Variants in RTTN observed in about 807,000 individuals in gnomAD.
RTTN encodes rotatin.
RTTN carries 182 observed loss-of-function variants against 269.2 expected under a neutral mutation model. The ratio of observed to expected loss-of-function variants is 0.68; its 90% CI spans 0.60 to 0.76. RTTN has a LOEUF of 0.76. RTTN is among the 30% of genes least tolerant of loss of function. The pLI is 0.00. For missense variants in RTTN, 2,545 were observed against 2,608.6 expected (o/e 0.98, Z 0.53); for synonymous variants, 1,006 against 963.5 (o/e 1.04, Z -0.82).
intron 28 of RTTN, among the ~76,000 whole-genome samples, chr18:70,095,676 G>A (rs1441593666): frequency 6.6e-6 from 1 of 151,988 alleles, no homozygotes; most frequent in Non-Finnish European, 1.5e-5. Flanking sequence ...AAGACTAACA[G>A]GGATGGGCTT....
chr18:70,204,199 G>T lies in RTTN; in HGVS notation c.284C>A (p.Ser95Tyr). The stretch of plus-strand genomic sequence containing the variant: ...AGCCTGCAGATTTGGCTCCACATTA[G>T]ACCGAAGCTTAGATAAGAACTCTAC... ...GAVEFLSKLR[S>Y]NVEPNLQAEI... The change falls in exon 3 of 49, where the codon TCT becomes TAT. Residue 95 changes from serine (S) to tyrosine (Y), a missense_variant. Physicochemically the swap from Ser to Tyr is moderately radical, Grantham distance 144. Transcript: ENST00000640769. 6.2e-7 allele frequency: 1 copy of T among 1,614,096 alleles called. No individual in the cohort carries two copies. The highest frequency in any genetic ancestry group is 1.7e-5 in the Admixed American group (1 of 60,016).
At chr18:70,196,768 T>C (rs763140705) in intron 6 of RTTN, 120 bp from the exon 7 acceptor site, 11 of 960,748 alleles carry the variant, frequency 1.1e-5, no homozygotes, top group Admixed American at 5.6e-5. Flanking sequence ...AGTTGCCAAA[T>C]ATTTGTAAGA....
intron 23 of RTTN, chr18:70,130,175 T>C (rs1381618193): frequency 6.6e-6 from 1 of 152,062 alleles, no homozygotes; most frequent in Non-Finnish European, 1.5e-5. Context: ...CACACACTGT[T>C]AGTGGGAATG....
chr18:70,039,920 T>C (rs1381327512), intron 40 of RTTN, among the ~76,000 whole-genome samples: 1 of 152,160 alleles, frequency 6.6e-6, no homozygotes, highest in African/African-American at 2.4e-5. Context: ...TAATGGGCTA[T>C]AAGAAGGTAT....
intron 40 of RTTN, among the ~76,000 whole-genome samples, chr18:70,037,747 A>C (rs1000077062): frequency 6.6e-6 from 1 of 152,106 alleles, no homozygotes; most frequent in Admixed American, 6.5e-5. Flanking sequence ...AGTAAAGGGG[A>C]CTTTGTCTTG....
chr18:70,172,954 A>C (rs2061181981), intron 11 of RTTN, among the ~76,000 whole-genome samples: 1 of 152,212 alleles, frequency 6.6e-6, no homozygotes, highest in Admixed American at 6.5e-5. Flanking sequence ...CCCATATTTT[A>C]AATTCAATTC....
Position 70,016,103 on chromosome 18 carries a change from G to A in RTTN, c.6421+1304C>T, listed in dbSNP as rs1465747364. On this transcript the variant is annotated intron_variant, in intron 46 of 48. Transcript: ENST00000640769. ...AGGCAGAGTGCAAAATCCACAGTAA[G>A]GTTAGGTCTGCTACAAGCTAACTGA... Among the ~76,000 whole-genome samples, 3 of 152,126 alleles carry A rather than the reference G, an allele frequency of 2.0e-5. No homozygotes were observed. The South Asian group carries it at 6.2e-4, about 32-fold the overall frequency.
intron 5 of RTTN, among the ~76,000 whole-genome samples, chr18:70,198,091 C>A (rs1029369899): frequency 5.3e-5 from 8 of 152,098 alleles, no homozygotes; most frequent in African/African-American, 1.9e-4. Context: ...AGGAAATCTG[C>A]CAAATAAATT....
At chr18:70,140,031 C>T in intron 20 of RTTN, 69 bp downstream of exon 20, 1 of 1,016,672 alleles carries the variant, frequency 9.8e-7, no homozygotes, top group Non-Finnish European at 1.5e-6. Context: ...AAATTCTGCT[C>T]AGTTCAATTT....
intron 40 of RTTN, among the ~76,000 whole-genome samples, chr18:70,038,995 T>A (rs1325580877): frequency 6.6e-6 from 1 of 152,156 alleles, no homozygotes; most frequent in African/African-American, 2.4e-5. Flanking sequence ...AAAGAATTAG[T>A]AAACTTGAAG....
At chr18:70,163,081 A>AAAC (rs1555766697) in intron 14 of RTTN, among the ~76,000 whole-genome samples, 1 of 144,562 alleles carries the variant, frequency 6.9e-6, no homozygotes, top group Non-Finnish European at 1.5e-5. Flanking sequence ...AAAAAAAAAA[A>AAAC]AAAAAAAAAA....
At chr18:70,140,076 T>G (rs1457741916) in intron 20 of RTTN, 24 bp downstream of exon 20, 3 of 1,436,290 alleles carry the variant, frequency 2.1e-6, no homozygotes, top group East Asian at 4.6e-5. Context: ...TGTAAAACAA[T>G]GTCTAGATGC....
At chr18:70,037,390 G>T (rs1002603248) in intron 40 of RTTN, among the ~76,000 whole-genome samples, 1 of 152,176 alleles carries the variant, frequency 6.6e-6, no homozygotes, top group African/African-American at 2.4e-5. Flanking sequence ...GAGGAAGAGA[G>T]TAAACAAGAC....
chr18:70,130,804 C>G (rs894876757), intron 23 of RTTN: 3 of 151,840 alleles, frequency 2.0e-5, no homozygotes, highest in African/African-American at 7.3e-5. Flanking sequence ...ATGTTCCTAA[C>G]ACAGAGAATC....
At chr18:70,076,515 A>G (rs1466780365) in intron 32 of RTTN, among the ~76,000 whole-genome samples, 1 of 152,036 alleles carries the variant, frequency 6.6e-6, no homozygotes, top group Non-Finnish European at 1.5e-5. Context: ...TAAAGGCACG[A>G]TTACACTAAC....
At chr18:70,064,473 A>G (rs973422482) in intron 35 of RTTN, among the ~76,000 whole-genome samples, 12 of 152,202 alleles carry the variant, frequency 7.9e-5, no homozygotes, top group African/African-American at 2.9e-4. Context: ...GGTAACTGTA[A>G]TATATTCATA....
In RTTN at chr18:70,167,038, A is replaced by G. The variant is rs1233372362; in HGVS notation, c.1690-7T>C. On this transcript the variant is annotated splice_region_variant and splice_polypyrimidine_tract_variant and intron_variant, in intron 12 of 48. Transcript: ENST00000640769. ...CTAAGAGATTCTTCTCTCCCTACAA[A>G]AGAAGCAGAATGGAACAATAAATGT... The G allele has an allele frequency of 6.4e-7, 1 of 1,568,782 alleles. No individual in the cohort carries two copies. The highest frequency in any genetic ancestry group is 1.7e-5 in the Admixed American group (1 of 59,506).
intron 5 of RTTN, among the ~76,000 whole-genome samples, chr18:70,199,047 C>T (rs1427321267): frequency 2.0e-5 from 3 of 152,086 alleles, no homozygotes; most frequent in East Asian, 3.9e-4. Context: ...ATTAGCTCAG[C>T]GTGGTGGTGC....
In RTTN at chr18:70,166,088, A is replaced by T. The variant is rs1442900273; in HGVS notation, c.1903T>A (p.Tyr635Asn). Residue 635 changes from tyrosine to asparagine, a missense_variant, in exon 14 of 49, where the codon TAC becomes AAC. Coordinates refer to ENST00000640769, the MANE Select transcript of RTTN (RefSeq NM_173630.4). ...HPLPRVKAET[Y>N]HCCLEITKEC... Reference sequence around the variant, plus strand: ...TTCGTGATTTCCAGACAGCAGTGGTAAGTTTCAGCTTTCACTCGTGGCAAT... The same window carrying T: ...TTCGTGATTTCCAGACAGCAGTGGTTAGTTTCAGCTTTCACTCGTGGCAAT... The T allele has an allele frequency of 6.2e-7, 1 of 1,613,884 alleles. No individual in the cohort carries two copies.
Sources: allele counts gnomAD v4.1 joint callset (sites outside exome capture counted in the v4.1 genomes callset), GRCh38; gene constraint gnomAD v4.1.1; transcripts MANE v1.5; gene names NCBI Gene and HGNC (gene_info 2026-07-23, HGNC 2026-07-21).